UGT3A1: variants seen among roughly 807,000 people sequenced by gnomAD.
UGT3A1 encodes UDP glycosyltransferase family 3 member A1.
UGT3A1 carries 40 observed loss-of-function variants against 37.6 expected under a neutral mutation model. The observed-to-expected ratio is 1.06, with a 90% CI of 0.83 to 1.38. The LOEUF is 1.38. UGT3A1 is among the 40% of genes most tolerant of loss of function. The probability of loss-of-function intolerance (pLI) is 0.00; values close to 1 mark genes in which losing one functional copy is unlikely to be tolerated. For synonymous variants in UGT3A1, 256 were observed against 232.3 expected (o/e 1.10, Z -0.93); for missense variants, 642 against 634.2 (o/e 1.01, Z -0.13).
upstream of UGT3A1, among the ~76,000 whole-genome samples, chr5:35,995,217 G>A (rs918977593): frequency 2.0e-5 from 3 of 152,180 alleles, no homozygotes; most frequent in South Asian, 6.2e-4. Flanking sequence ...GGTCAGATCT[G>A]TTCCCCCCTT....
At chr5:35,979,135 G>A (rs990185414) in intron 2 of UGT3A1, among the ~76,000 whole-genome samples, 3 of 152,110 alleles carry the variant, frequency 2.0e-5, no homozygotes, top group Admixed American at 6.5e-5. Context: ...TTCATGGGCA[G>A]CGGTTGAGTG....
chr5:35,981,830 T>C (rs1194751549), intron 2 of UGT3A1, among the ~76,000 whole-genome samples: 2 of 152,088 alleles, frequency 1.3e-5, no homozygotes, highest in East Asian at 3.9e-4. Context: ...TGCCAGAGAG[T>C]TCATGGCAGC....
At chr5:35,987,418 T>C (rs1740770428) in intron 2 of UGT3A1, among the ~76,000 whole-genome samples, 1 of 152,106 alleles carries the variant, frequency 6.6e-6, no homozygotes, top group African/African-American at 2.4e-5. Context: ...ACAGAATCAT[T>C]TGTAGATTTT....
Position 35,955,807 on chromosome 5 carries a change from G to A in UGT3A1, c.1133C>T (p.Ala378Val), listed in dbSNP as rs1159826274. ...CACCATGGGCACACCATGACGGATG[G>A]CCTCCATTACGCTGTTCTGCCCACC... ...THGGQNSVME[A>V]IRHGVPMVGL... The change falls in exon 6 of 7, where the codon GCC (alanine) becomes GTC (valine). Residue 378 changes from alanine (A) to valine (V), a missense_variant. Coordinates refer to ENST00000274278, the MANE Select transcript of UGT3A1 (RefSeq NM_152404.4). 6.2e-7 allele frequency: 1 copy of A among 1,614,192 alleles called. No individual in the cohort carries two copies. The highest frequency in any genetic ancestry group is 1.7e-5 in the Admixed American group (1 of 60,024).
upstream of UGT3A1, among the ~76,000 whole-genome samples, chr5:35,994,382 C>A (rs1741045620): frequency 9.0e-6 from 1 of 110,572 alleles, no homozygotes; most frequent in African/African-American, 3.0e-5. Flanking sequence ...TGTTTCGGTT[C>A]TTTCCCCTAT....
upstream of UGT3A1, among the ~76,000 whole-genome samples, chr5:35,995,107 T>A (rs1741063841): frequency 6.6e-6 from 1 of 152,168 alleles, no homozygotes; most frequent in African/African-American, 2.4e-5. Flanking sequence ...GAAATGCTCA[T>A]CAAGAACTCT....
rs767242820 is a variant in UGT3A1, at chr5:35,965,952, A to T, written c.312-35T>A. On this transcript the variant is annotated intron_variant, in intron 3 of 6. Coordinates refer to ENST00000274278, the MANE Select transcript of UGT3A1 (RefSeq NM_152404.4). ...AGAAAATAAATAATAAATATTTGGG[A>T]AAGTGTAATTTTACAGTATTTGGGA... The T allele has an allele frequency of 1.2e-5, 17 of 1,435,644 alleles. No homozygotes were observed. The African/African-American group carries it at 2.2e-4, about 18-fold the overall frequency. The allele number at this position is 1,435,644 out of a possible 1,614,324, so 88.9% of individuals were successfully genotyped here.
chr5:35,963,926 G>A (rs1358705114), intron 4 of UGT3A1, among the ~76,000 whole-genome samples: 1 of 152,142 alleles, frequency 6.6e-6, no homozygotes, highest in East Asian at 1.9e-4. Flanking sequence ...GTTCTGAATC[G>A]CACCTTTAGT....
chr5:35,990,835 G>T, intron 1 of UGT3A1: 1 of 944,160 alleles, frequency 1.1e-6, no homozygotes, highest in Non-Finnish European at 1.4e-6. Flanking sequence ...TCTAGAGAAG[G>T]CAGCCCAGGA....
chr5:35,970,630 TA>T (rs1580935684), intron 2 of UGT3A1, among the ~76,000 whole-genome samples: 9 of 152,116 alleles, frequency 5.9e-5, no homozygotes, highest in Admixed American at 5.9e-4. Flanking sequence ...AACTAACAAT[TA>T]AAAAACTAAC....
Position 35,988,543 on chromosome 5 carries a change from G to A in UGT3A1, c.103C>T (p.His35Tyr). Residue 35 changes from histidine to tyrosine, a missense_variant, in exon 2 of 7, where the codon CAT becomes TAT. By Grantham distance (83) the His-to-Tyr change is moderately conservative (BLOSUM62 2). Coordinates refer to ENST00000274278, the MANE Select transcript of UGT3A1 (RefSeq NM_152404.4). ...GACACCCGGTCCAACAGTAGGTAAT[G>A]GCTTCCACCTAGAAACAATGCACAA... Reference protein sequence around the residue: ...ILTISTLGGSHYLLLDRVSQI... With the variant: ...ILTISTLGGSYYLLLDRVSQI... 6.2e-7 allele frequency: 1 copy of A among 1,611,512 alleles called. No homozygotes were observed. The highest frequency in any genetic ancestry group is 8.5e-7 in the Non-Finnish European group (1 of 1,178,544).
chr5:35,986,252 A>T (rs1740724803), intron 2 of UGT3A1, among the ~76,000 whole-genome samples: 1 of 152,140 alleles, frequency 6.6e-6, no homozygotes, highest in Non-Finnish European at 1.5e-5. Context: ...TGCTATGGAA[A>T]ACTCTATCAA....
At chr5:35,961,010 T>C (rs1739559605) in intron 4 of UGT3A1, 2 of 152,384 alleles carry the variant, frequency 1.3e-5, no homozygotes, top group Middle Eastern at 3.4e-3. Flanking sequence ...CTCAGATTTA[T>C]ATGAGTACAG....
At chr5:35,987,228 C>G (rs987619515) in intron 2 of UGT3A1, among the ~76,000 whole-genome samples, 2 of 152,094 alleles carry the variant, frequency 1.3e-5, no homozygotes, top group African/African-American at 4.8e-5. Flanking sequence ...CAAAAACAAC[C>G]CAATCAAGTG....
intron 2 of UGT3A1, among the ~76,000 whole-genome samples, chr5:35,975,578 A>C (rs1334361465): frequency 6.6e-6 from 1 of 152,248 alleles, no homozygotes; most frequent in East Asian, 1.9e-4. Flanking sequence ...AATAAACTGC[A>C]GCATGAGTGC....
rs986681112 is a variant in UGT3A1 at position 35,951,274 on chromosome 5, C to T, written c.*2928G>A. ...ACATAAACACATGGATCCTTCCACC[C>T]TATTCAAACACCACCCTCATAGATA... On this transcript the variant is annotated 3_prime_UTR_variant, in exon 7 of 7. Coordinates refer to ENST00000274278, the MANE Select transcript of UGT3A1 (RefSeq NM_152404.4). 1 of 152,114 alleles carries T rather than the reference C, an allele frequency of 6.6e-6. No individual in the cohort carries two copies. Among genetic ancestry groups the T allele is most frequent in the African/African-American group, 2.4e-5 (1 of 41,438 alleles). 9.4% of individuals were successfully genotyped at this position (152,114 alleles called of 1,614,324 possible).
chr5:35,981,550 C>A (rs931607805), intron 2 of UGT3A1, among the ~76,000 whole-genome samples: 5 of 152,200 alleles, frequency 3.3e-5, no homozygotes, highest in Non-Finnish European at 5.9e-5. Flanking sequence ...ATTAGGATAT[C>A]TGGCTGAAGA....
intron 2 of UGT3A1, among the ~76,000 whole-genome samples, chr5:35,979,634 G>A (rs1370314909): frequency 6.6e-6 from 1 of 152,078 alleles, no homozygotes; most frequent in Non-Finnish European, 1.5e-5. Flanking sequence ...CTCCTTCTGA[G>A]CCCTCCAAAC....
At chr5:35,991,485 G>A, upstream of UGT3A1, 1 of 1,332,278 alleles carries the variant, frequency 7.5e-7, no homozygotes, top group African/African-American at 1.5e-5. Flanking sequence ...TCAGTAGGAG[G>A]GGGTTGGTAA....
Sources: allele counts gnomAD v4.1 joint callset (sites outside exome capture counted in the v4.1 genomes callset), GRCh38; gene constraint gnomAD v4.1.1; transcripts MANE v1.5; gene names NCBI Gene and HGNC (gene_info 2026-07-23, HGNC 2026-07-21).